Variants in APH1B observed in about 807,000 individuals in gnomAD.
APH1B encodes the protein aph-1B gamma-secretase subunit, also known as gamma-secretase subunit APH-1B.
A neutral mutation model predicts 28.2 loss-of-function variants in APH1B; 27 were observed. The observed-to-expected ratio is 0.96, with a 90% CI of 0.70 to 1.32. The LOEUF is 1.32. Ranked by LOEUF, APH1B falls within the 40% of genes most tolerant of loss-of-function variation. The pLI is 0.00. For synonymous variants in APH1B, 141 were observed against 124.6 expected (o/e 1.13, Z -0.88); for missense variants, 305 against 313.6 (o/e 0.97, Z 0.21).
At chr15:63,296,644 A>G (rs777432719) in intron 4 of APH1B, among the ~76,000 whole-genome samples, 2 of 151,110 alleles carry the variant, frequency 1.3e-5, no homozygotes, top group African/African-American at 2.4e-5. Context: ...GGAGCCAAAT[A>G]GTAAATGTTG....
chr15:63,286,629 G>C lies in APH1B; in HGVS notation c.355+1G>C. The C allele has an allele frequency of 6.2e-7, 1 of 1,603,500 alleles. No individual in the cohort carries two copies. The highest frequency in any genetic ancestry group is 8.5e-7 in the Non-Finnish European group (1 of 1,176,318). On this transcript the variant is annotated splice_donor_variant, in intron 3 of 5. Transcript: ENST00000261879. LOFTEE classifies it high-confidence loss of function. ...CCCTCTATGCGACTGCTGGCCTATGGTAAGTTAGAACCACATGGTTTCATT... is the reference window on the plus strand; with the variant it reads ...CCCTCTATGCGACTGCTGGCCTATGCTAAGTTAGAACCACATGGTTTCATT...
chr15:63,308,071 G>A lies in APH1B; in HGVS notation c.*2290G>A, dbSNP rs1432556047. 6.6e-6 allele frequency: 1 copy of A among 151,872 alleles called. No homozygotes were observed. Among genetic ancestry groups the A allele is most frequent in the Non-Finnish European group, 1.5e-5 (1 of 67,978 alleles). 9.4% of individuals were successfully genotyped at this position (151,872 alleles called of 1,614,324 possible). ...GAGGGCCTAGTCTTCCTCTGTTGCT[G>A]TACATATATTGAAATGCTTTTTTTT... On this transcript the variant is annotated 3_prime_UTR_variant, in exon 6 of 6. Transcript: ENST00000261879.
At chr15:63,302,232 T>G (rs2038637405) in intron 4 of APH1B, 113 bp from the exon 5 acceptor site, 4 of 1,325,638 alleles carry the variant, frequency 3.0e-6, no homozygotes, top group Middle Eastern at 2.8e-4. Flanking sequence ...TCAGGTGGTG[T>G]TAAACTCTCT....
At chr15:63,280,741 A>T (rs1297609823) in intron 2 of APH1B, among the ~76,000 whole-genome samples, 1 of 152,244 alleles carries the variant, frequency 6.6e-6, no homozygotes, top group Non-Finnish European at 1.5e-5. Flanking sequence ...TTTCCATGGT[A>T]ATACAACATC....
intron 4 of APH1B, among the ~76,000 whole-genome samples, chr15:63,299,468 T>G (rs1372362632): frequency 6.6e-6 from 1 of 151,970 alleles, no homozygotes; most frequent in Admixed American, 6.6e-5. Context: ...GCAGTGGCAC[T>G]ATCTCGGCTC....
chr15:63,292,361 T>A (rs1365479382), intron 4 of APH1B, among the ~76,000 whole-genome samples: 1 of 152,214 alleles, frequency 6.6e-6, no homozygotes, highest in Non-Finnish European at 1.5e-5. Context: ...TATCATCGAA[T>A]TTGTATTTTT....
chr15:63,305,482 A>G lies in APH1B; in HGVS notation c.607-132A>G. 5 of 1,017,540 alleles carry G rather than the reference A, an allele frequency of 4.9e-6. No individual in the cohort carries two copies. In the South Asian group the frequency reaches 7.8e-5, roughly 16 times the overall value. 63.0% of individuals were successfully genotyped at this position (1,017,540 alleles called of 1,614,324 possible). On this transcript the variant is annotated intron_variant, in intron 5 of 5. Transcript: ENST00000261879. The stretch of plus-strand genomic sequence containing the variant: ...ACATGCCTCAGGGCCTTAACGCATG[A>G]CACACATCATACGTTTGGTGAAACA...
chr15:63,288,273 TA>T (rs1467278086), intron 4 of APH1B, among the ~76,000 whole-genome samples: 2 of 152,136 alleles, frequency 1.3e-5, no homozygotes, highest in Non-Finnish European at 2.9e-5. Flanking sequence ...GCTTATCCTC[TA>T]ATAAGGGAAT....
At position 63,285,389 on chromosome 15, in the gene APH1B, T is replaced by A. The variant is rs537982890; in HGVS notation, c.285-1169T>A. ...TCAACATTTGCTAAAAAATCATTTT[T>A]AAAATGTTTTGGTTCTTTTGTTGCC... On this transcript the variant is annotated intron_variant, in intron 2 of 5. Transcript: ENST00000261879. 1.4e-4 allele frequency among the ~76,000 whole-genome samples: 21 copies of A among 152,366 alleles called. No homozygotes were observed. The South Asian group carries it at 3.7e-3, about 27-fold the overall frequency.
rs1482819392 is a variant in APH1B at position 63,307,777 on chromosome 15, A to G, written c.*1996A>G. On this transcript the variant is annotated 3_prime_UTR_variant, in exon 6 of 6. Coordinates refer to ENST00000261879, the MANE Select transcript of APH1B (RefSeq NM_031301.4). ...GCTTTACTCATCTTGAGCTTTGAGG[A>G]TGTTCTCTGTACGCCGATGGTTTCA... 6.6e-6 allele frequency: 1 copy of G among 152,226 alleles called. No individual in the cohort carries two copies. Among genetic ancestry groups the G allele is most frequent in the Admixed American group, 6.5e-5 (1 of 15,288 alleles). The allele number at this position is 152,226 out of a possible 1,614,324, so 9.4% of individuals were successfully genotyped here.
intron 5 of APH1B, 101 bp from the exon 6 acceptor site, chr15:63,305,513 A>C: frequency 7.2e-7 from 1 of 1,384,812 alleles, no homozygotes; most frequent in Middle Eastern, 2.6e-4. Flanking sequence ...AAACACACCC[A>C]AGTTCTTGAA....
At chr15:63,300,543 C>T (rs2038615522) in intron 4 of APH1B, among the ~76,000 whole-genome samples, 1 of 152,198 alleles carries the variant, frequency 6.6e-6, no homozygotes, top group Non-Finnish European at 1.5e-5. Context: ...GCATCTTCAG[C>T]GGTCTCAGCT....
chr15:63,281,078 G>T (rs1404093496), intron 2 of APH1B, among the ~76,000 whole-genome samples: 1 of 152,054 alleles, frequency 6.6e-6, no homozygotes, highest in Non-Finnish European at 1.5e-5. Context: ...GGAGGTTGCA[G>T]TGAGCCGTGA....
intron 2 of APH1B, among the ~76,000 whole-genome samples, chr15:63,282,983 T>G (rs2038405111): frequency 6.6e-6 from 1 of 152,206 alleles, no homozygotes; most frequent in African/African-American, 2.4e-5. Flanking sequence ...CTTTTTTTGT[T>G]CTTGGGAACA....
chr15:63,298,086 C>T (rs564591749), intron 4 of APH1B, among the ~76,000 whole-genome samples: 1 of 152,138 alleles, frequency 6.6e-6, no homozygotes, highest in South Asian at 2.1e-4. Flanking sequence ...CCATGCTGGC[C>T]ACTGCAGACA....
chr15:63,303,480 G>C (rs1369562462), intron 5 of APH1B, among the ~76,000 whole-genome samples: 11 of 152,148 alleles, frequency 7.2e-5, no homozygotes, highest in Non-Finnish European at 1.6e-4. Flanking sequence ...TTACCCATTT[G>C]ACAGCAGAGA....
intron 5 of APH1B, among the ~76,000 whole-genome samples, chr15:63,302,814 G>A (rs1434190845): frequency 6.6e-6 from 1 of 152,022 alleles, no homozygotes; most frequent in African/African-American, 2.4e-5. Context: ...CTTATTCCTA[G>A]CTCTCGTATA....
chr15:63,295,313 C>T (rs2038553538), intron 4 of APH1B, among the ~76,000 whole-genome samples: 1 of 152,238 alleles, frequency 6.6e-6, no homozygotes, highest in South Asian at 2.1e-4. Flanking sequence ...TGCCTGAAGG[C>T]AGGTCCCCCA....
At chr15:63,299,110 T>G (rs2038597725) in intron 4 of APH1B, among the ~76,000 whole-genome samples, 1 of 152,148 alleles carries the variant, frequency 6.6e-6, no homozygotes, top group Admixed American at 6.5e-5. Flanking sequence ...AGAGTTCTGG[T>G]TTTCTTCCAT....
Sources: gnomAD v4.1 joint callset for allele counts (sites outside exome capture counted in the v4.1 genomes callset) on GRCh38, gnomAD v4.1.1 for gene constraint, MANE v1.5 for transcripts, NCBI Gene and HGNC (gene_info 2026-07-23, HGNC 2026-07-21) for gene names.